TANC2: variants seen among roughly 807,000 people sequenced by gnomAD.
TANC2 encodes the protein protein TANC2.
Under a neutral mutation model 210.5 loss-of-function variants are expected in TANC2, and 26 were observed. The observed-to-expected ratio is 0.12, with a 90% CI of 0.09 to 0.17. The LOEUF (loss-of-function observed/expected upper bound fraction) is 0.17. Ranked by LOEUF, TANC2 falls within the 10% of genes least tolerant of loss-of-function variation. The pLI, the probability that TANC2 is intolerant of heterozygous loss-of-function variation, is 1.00. For missense variants in TANC2, 2,129 were observed against 2,608.9 expected (o/e 0.82, Z 4.01); for synonymous variants, 931 against 967.1 (o/e 0.96, Z 0.69).
chr17:63,138,739 G>GT (rs1447894571), intron 4 of TANC2, among the ~76,000 whole-genome samples: 2 of 152,090 alleles, frequency 1.3e-5, no homozygotes, highest in African/African-American at 2.4e-5. Flanking sequence ...TCAAAGTGTG[G>GT]TAACACAATT....
chr17:63,096,982 T>C (rs2037410194), intron 3 of TANC2, among the ~76,000 whole-genome samples: 1 of 152,138 alleles, frequency 6.6e-6, no homozygotes, highest in Non-Finnish European at 1.5e-5. Flanking sequence ...CATTACATGT[T>C]CTTGTTGGCC....
intron 7 of TANC2, among the ~76,000 whole-genome samples, chr17:63,222,720 AACACACACACACAC>A (rs58881477): frequency 6.7e-6 from 1 of 148,866 alleles, no homozygotes; most frequent in African/African-American, 2.5e-5. Flanking sequence ...AAACTGATTA[AACACACACACACAC>A]ACACACACAC....
At chr17:63,172,123 C>G (rs1325162471) in intron 5 of TANC2, among the ~76,000 whole-genome samples, 6 of 151,880 alleles carry the variant, frequency 4.0e-5, no homozygotes, top group African/African-American at 1.5e-4. Context: ...TGCTGGTTGC[C>G]CTGGAGAGAA....
intron 5 of TANC2, chr17:63,151,823 T>C (rs1486728647): frequency 6.6e-6 from 1 of 152,166 alleles, no homozygotes; most frequent in Non-Finnish European, 1.5e-5. Context: ...CTGGTGATTA[T>C]AGAAAATACT....
At chr17:63,424,542 G>T (rs1381008144) in exon 28 of TANC2, 1 of 152,106 alleles carries the variant, frequency 6.6e-6, no homozygotes, top group African/African-American at 2.4e-5. Context: ...GCTTCAGGTG[G>T]GAGGAAATGT....
rs187526474 is a variant in TANC2 at position 63,191,134 on chromosome 17, G to A, written c.434-2857G>A. ...ATGAAACAAAAAGGGAAGAAAAATG[G>A]TAGTATTTAAGGAAGAATGCAGAAT... On this transcript the variant is annotated intron_variant, in intron 5 of 27. Coordinates refer to ENST00000689528, the Ensembl canonical transcript of TANC2. 5.7e-4 allele frequency among the ~76,000 whole-genome samples: 87 copies of A among 152,038 alleles called. 1 individual carries two copies. Among genetic ancestry groups the A allele is most frequent in the African/African-American group, 9.4e-4 (39 of 41,496 alleles).
chr17:63,045,214 G>A (rs1191509987), intron 2 of TANC2, among the ~76,000 whole-genome samples: 2 of 152,212 alleles, frequency 1.3e-5, no homozygotes, highest in Non-Finnish European at 2.9e-5. Context: ...GAGTTGAGTA[G>A]TCGTGACAGG....
intron 3 of TANC2, among the ~76,000 whole-genome samples, chr17:63,094,395 C>T (rs1282964861): frequency 6.6e-6 from 1 of 152,040 alleles, no homozygotes; most frequent in Non-Finnish European, 1.5e-5. Context: ...CTTTAGGGGC[C>T]AGTTTATCAC....
At chr17:63,034,602 A>AC (rs1330471470) in intron 2 of TANC2, among the ~76,000 whole-genome samples, 1 of 152,188 alleles carries the variant, frequency 6.6e-6, no homozygotes, top group Non-Finnish European at 1.5e-5. Context: ...GAAAGGATTC[A>AC]CCATTCTAGA....
At chr17:63,403,711 A>G (rs1380053487) in intron 19 of TANC2, among the ~76,000 whole-genome samples, 1 of 152,248 alleles carries the variant, frequency 6.6e-6, no homozygotes, top group Non-Finnish European at 1.5e-5. Context: ...GAAAATACAC[A>G]TAAGACAAGC....
chr17:63,019,948 A>G (rs2034276818), intron 2 of TANC2, among the ~76,000 whole-genome samples: 1 of 152,058 alleles, frequency 6.6e-6, no homozygotes, highest in Admixed American at 6.5e-5. Context: ...GTATTTTGAG[A>G]CAGAGTTTCG....
intron 2 of TANC2, among the ~76,000 whole-genome samples, chr17:63,012,269 C>G (rs746658087): frequency 1.3e-5 from 2 of 152,004 alleles, no homozygotes; most frequent in Non-Finnish European, 2.9e-5. Flanking sequence ...GATCCTCATG[C>G]CTTGGCCTTC....
Position 63,282,131 on chromosome 17 carries a change from GAGTA to G in TANC2, c.1159+14261_1159+14264del, listed in dbSNP as rs2044076543. Among the ~76,000 whole-genome samples, 3 of 152,098 alleles carry G rather than the reference GAGTA, an allele frequency of 2.0e-5. No homozygotes were observed. In the South Asian group the frequency reaches 6.2e-4, roughly 32 times the overall value. On this transcript the variant is annotated intron_variant, in intron 9 of 27. Coordinates refer to ENST00000689528, the Ensembl canonical transcript of TANC2. ...ATAAAGATAAGAGCAGAAATCAGTG[GAGTA>G]AGAAATAGACAAACATTAGCAATAA... is the stretch of plus-strand genomic sequence containing the variant.
intron 5 of TANC2, among the ~76,000 whole-genome samples, chr17:63,180,245 G>T (rs1028531083): frequency 2.6e-5 from 4 of 152,226 alleles, no homozygotes; most frequent in African/African-American, 9.6e-5. Flanking sequence ...TTTGTGATTT[G>T]TTGGAAGATG....
intron 9 of TANC2, among the ~76,000 whole-genome samples, chr17:63,281,825 G>A (rs1300789311): frequency 6.6e-6 from 1 of 152,028 alleles, no homozygotes; most frequent in Non-Finnish European, 1.5e-5. Context: ...CAAGGAAGGG[G>A]GCCATGTGAA....
At chr17:63,205,372 A>AAAAAAAAAAC (rs1472135033) in intron 7 of TANC2, among the ~76,000 whole-genome samples, 18 of 131,852 alleles carry the variant, frequency 1.4e-4, no homozygotes, top group African/African-American at 2.2e-4. Context: ...AAAAAAAAAA[A>AAAAAAAAAAC]CCTCATACAC....
At chr17:63,408,569 G>A (rs542288857) in intron 21 of TANC2, among the ~76,000 whole-genome samples, 16 of 152,268 alleles carry the variant, frequency 1.1e-4, no homozygotes, top group South Asian at 2.1e-4. Flanking sequence ...ATTCTGTTCC[G>A]TATTTAAACT....
intron 14 of TANC2, among the ~76,000 whole-genome samples, chr17:63,371,422 C>T (rs1227535799): frequency 6.7e-6 from 1 of 150,306 alleles, no homozygotes; most frequent in Non-Finnish European, 1.5e-5. Flanking sequence ...GCTGAGATCA[C>T]ACCATTGCAC....
At chr17:63,361,961 G>A (rs545877223) in intron 14 of TANC2, among the ~76,000 whole-genome samples, 5 of 150,828 alleles carry the variant, frequency 3.3e-5, no homozygotes, top group South Asian at 2.1e-4. Flanking sequence ...AGGTTGTCCC[G>A]ACAAGTGTAC....
Sources: allele counts gnomAD v4.1 joint callset (sites outside exome capture counted in the v4.1 genomes callset), GRCh38; gene constraint gnomAD v4.1.1; transcripts MANE v1.5; gene names NCBI Gene and HGNC (gene_info 2026-07-23, HGNC 2026-07-21).